Variants in SGCD observed in about 807,000 individuals in gnomAD.
The protein encoded by SGCD is delta-sarcoglycan.
Under a neutral mutation model 36.6 loss-of-function variants are expected in SGCD, and 18 were observed. The observed-to-expected ratio is 0.49, with a 90% CI of 0.34 to 0.73. SGCD has a LOEUF of 0.73. SGCD is among the 30% of genes least tolerant of loss of function. The pLI, the probability that SGCD is intolerant of heterozygous loss-of-function variation, is 0.01. For synonymous variants in SGCD, 133 were observed against 130.6 expected (o/e 1.02, Z -0.12); for missense variants, 387 against 346.7 (o/e 1.12, Z -0.92).
intron 6 of SGCD, among the ~76,000 whole-genome samples, chr5:156,617,788 C>A (rs1410878902): frequency 6.6e-6 from 1 of 152,204 alleles, no homozygotes; most frequent in Non-Finnish European, 1.5e-5. Context: ...GGGTGGTTTA[C>A]AGGGCCATGA....
intron 1 of SGCD, among the ~76,000 whole-genome samples, chr5:155,945,144 T>C (rs751461291): frequency 1.4e-4 from 22 of 152,172 alleles, no homozygotes; most frequent in Non-Finnish European, 3.2e-4. Flanking sequence ...AATGAAAATT[T>C]TGAGAACCAA....
the SGCD span, among the ~76,000 whole-genome samples, chr5:155,841,060 C>T: frequency 7.1e-6 from 1 of 140,296 alleles, no homozygotes; most frequent in African/African-American, 2.7e-5. Flanking sequence ...ACTGGGTGTG[C>T]TTATTGCTAC....
In SGCD at chr5:156,306,745, C is replaced by T. The variant is rs186784184; in HGVS notation, c.-43-22789C>T. On this transcript the variant is annotated intron_variant, in intron 3 of 9. Transcript: ENST00000517913. ...TTGATTTTTGGTTCTGGTGAAGATG[C>T]TCTCTTGTGTGGACAGTTGTTCAAT... Among the ~76,000 whole-genome samples, 25 of 152,312 alleles carry T rather than the reference C, an allele frequency of 1.6e-4. 1 individual carries two copies. In the East Asian group the frequency reaches 4.4e-3, roughly 27 times the overall value.
intron 3 of SGCD, among the ~76,000 whole-genome samples, chr5:156,405,186 G>A (rs546437758): frequency 2.0e-5 from 3 of 152,148 alleles, no homozygotes; most frequent in Non-Finnish European, 2.9e-5. Context: ...AAGAGAGAAA[G>A]AGCCTCCGAC....
At chr5:156,390,693 G>C (rs1771515997) in intron 3 of SGCD, among the ~76,000 whole-genome samples, 1 of 151,994 alleles carries the variant, frequency 6.6e-6, no homozygotes, top group African/African-American at 2.4e-5. Flanking sequence ...TTTTGCCATT[G>C]CACTCCAGCC....
At chr5:155,810,454 A>G in the SGCD span, among the ~76,000 whole-genome samples, 7 of 152,126 alleles carry the variant, frequency 4.6e-5, no homozygotes, top group East Asian at 1.9e-4. Flanking sequence ...CTAAATGTCA[A>G]ATTATTTTCT....
At chr5:156,359,466 G>T (rs181869808) in intron 3 of SGCD, among the ~76,000 whole-genome samples, 1 of 152,108 alleles carries the variant, frequency 6.6e-6, no homozygotes, top group Non-Finnish European at 1.5e-5. Flanking sequence ...AATTACCCTC[G>T]TTTCCCAGAT....
intron 3 of SGCD, among the ~76,000 whole-genome samples, chr5:156,158,292 A>G (rs1007086832): frequency 2.0e-5 from 3 of 151,690 alleles, no homozygotes; most frequent in Admixed American, 6.6e-5. Context: ...GACACTCCTT[A>G]GCCTTGCCCA....
At chr5:156,558,857 G>C (rs1481397986) in intron 4 of SGCD, among the ~76,000 whole-genome samples, 1 of 152,180 alleles carries the variant, frequency 6.6e-6, no homozygotes, top group Non-Finnish European at 1.5e-5. Context: ...TGTACTTGCA[G>C]ATGGTTCTGA....
intron 6 of SGCD, among the ~76,000 whole-genome samples, chr5:156,642,925 C>T (rs758801970): frequency 2.0e-5 from 3 of 151,978 alleles, no homozygotes; most frequent in Non-Finnish European, 4.4e-5. Context: ...CAGGTTGTGA[C>T]TTCAAGTTTT....
At chr5:155,804,813 G>A in the SGCD span, among the ~76,000 whole-genome samples, 1 of 152,292 alleles carries the variant, frequency 6.6e-6, no homozygotes, top group Non-Finnish European at 1.5e-5. Context: ...GCACACCTAG[G>A]ATCAAGATAA....
intron 3 of SGCD, among the ~76,000 whole-genome samples, chr5:156,383,012 T>A (rs1404774668): frequency 6.6e-6 from 1 of 152,172 alleles, no homozygotes; most frequent in African/African-American, 2.4e-5. Context: ...CATCAGGCAA[T>A]TTTATAAGAA....
At chr5:156,453,154 A>G (rs1754097976) in intron 3 of SGCD, among the ~76,000 whole-genome samples, 1 of 152,226 alleles carries the variant, frequency 6.6e-6, no homozygotes, top group African/African-American at 2.4e-5. Flanking sequence ...GGAAGGCTGA[A>G]GAAACTAAGG....
chr5:155,971,107 C>T (rs1757999342), intron 1 of SGCD, among the ~76,000 whole-genome samples: 1 of 152,048 alleles, frequency 6.6e-6, no homozygotes, highest in South Asian at 2.1e-4. Context: ...TTTCTTTAGA[C>T]TTTTTGGGAA....
At chr5:156,426,466 A>G (rs1184663663) in intron 3 of SGCD, among the ~76,000 whole-genome samples, 1 of 152,070 alleles carries the variant, frequency 6.6e-6, no homozygotes, top group Non-Finnish European at 1.5e-5. Flanking sequence ...TCTGAATATT[A>G]ATCCCTTGTC....
the SGCD span, among the ~76,000 whole-genome samples, chr5:155,767,414 G>C: frequency 6.6e-6 from 1 of 152,210 alleles, no homozygotes; most frequent in Non-Finnish European, 1.5e-5. Context: ...ATGAAGGACT[G>C]TCTTTTGTAT....
intron 3 of SGCD, among the ~76,000 whole-genome samples, chr5:156,132,530 G>A (rs256774): frequency 3.8e-5 from 5 of 132,504 alleles, no homozygotes; most frequent in Admixed American, 8.8e-5. Flanking sequence ...CTGCAGTGGC[G>A]CTATCCCGGC....
At chr5:156,736,529 C>T (rs2113043183) in intron 7 of SGCD, among the ~76,000 whole-genome samples, 1 of 149,308 alleles carries the variant, frequency 6.7e-6, no homozygotes, top group Non-Finnish European at 1.5e-5. Flanking sequence ...GTGTCTGTGT[C>T]CCAGACCCCC....
At chr5:156,276,968 C>A (rs1181389870) in intron 3 of SGCD, among the ~76,000 whole-genome samples, 1 of 152,000 alleles carries the variant, frequency 6.6e-6, no homozygotes, top group East Asian at 1.9e-4. Context: ...CTTTCATGTG[C>A]AAATGTGTTA....
Sources: allele counts gnomAD v4.1 joint callset (sites outside exome capture counted in the v4.1 genomes callset), GRCh38; gene constraint gnomAD v4.1.1; transcripts MANE v1.5; gene names NCBI Gene and HGNC (gene_info 2026-07-23, HGNC 2026-07-21).